MMP28: variants seen among roughly 807,000 people sequenced by gnomAD.
The protein encoded by MMP28 is matrix metallopeptidase 28.
A neutral mutation model predicts 60.5 loss-of-function variants in MMP28; 55 were observed. That is an observed-to-expected ratio of 0.91 (90% CI 0.73 to 1.14). The LOEUF is 1.14. MMP28 is among the 50% of genes most tolerant of loss of function. The probability of loss-of-function intolerance (pLI) is 0.00; values close to 1 mark genes in which losing one functional copy is unlikely to be tolerated. For missense variants in MMP28, 686 were observed against 738.3 expected (o/e 0.93, Z 0.82); for synonymous variants, 318 against 312.5 (o/e 1.02, Z -0.18).
At chr17:35,764,309 A>G, downstream of MMP28, 1 of 1,492,982 alleles carries the variant, frequency 6.7e-7, no homozygotes, top group Non-Finnish European at 8.9e-7. Context: ...GGGCGGCCTA[A>G]CAGCTCCCAC....
chr17:35,764,714 A>T, downstream of MMP28: 1 of 1,342,788 alleles, frequency 7.4e-7, no homozygotes, highest in Non-Finnish European at 9.9e-7. Flanking sequence ...TCTTCGACGC[A>T]TTCCGCAGGA....
rs1053381994 is a variant in MMP28, at chr17:35,766,612, C to T, written c.1451G>A (p.Arg484His). 1 of 1,612,552 alleles carries T rather than the reference C, an allele frequency of 6.2e-7. No individual in the cohort carries two copies. Among genetic ancestry groups the T allele is most frequent in the Non-Finnish European group, 8.5e-7 (1 of 1,179,766 alleles). The change falls in exon 8 of 8, where the codon CGC (arginine) becomes CAC (histidine). Residue 484 changes from arginine (R) to histidine (H), a missense_variant. By Grantham distance (29) the Arg-to-His change is conservative. Coordinates refer to ENST00000605424, the MANE Select transcript of MMP28 (RefSeq NM_024302.5). This position sits in a 1 kb window ranked among gnomAD's most constrained non-coding sequence, Gnocchi z 4.3. ...TTTGGCCTGGTCGAGGCGCCAGTAG[C>T]GGTCATCTCGGAAGAAGATGATGGA... ...DGSIIFFRDD[R>H]YWRLDQAKLQ...
At chr17:35,770,042 A>G (rs2086071653) in intron 5 of MMP28, 25 bp downstream of exon 5, 1 of 1,523,848 alleles carries the variant, frequency 6.6e-7, no homozygotes. Context: ...TGGGACCAAG[A>G]GCGGGGCATG....
At chr17:35,778,720 A>G (rs966118481) in intron 3 of MMP28, 168 bp downstream of exon 3, 3 of 1,429,162 alleles carry the variant, frequency 2.1e-6, no homozygotes, top group African/African-American at 2.9e-5. Context: ...AAATGTCTGT[A>G]TTCACAATCA....
intron 3 of MMP28, among the ~76,000 whole-genome samples, chr17:35,777,407 G>A (rs2086365439): frequency 6.6e-6 from 1 of 152,204 alleles, no homozygotes; most frequent in Non-Finnish European, 1.5e-5. Flanking sequence ...AAAGCAAGCA[G>A]TCAGTACTGA....
At chr17:35,762,013 G>C (rs587726479), downstream of MMP28, among the ~76,000 whole-genome samples, 1 of 151,664 alleles carries the variant, frequency 6.6e-6, no homozygotes, top group Admixed American at 6.6e-5. Context: ...TTTTTGAGAC[G>C]GAGTTTTGCT....
downstream of MMP28, chr17:35,764,317 C>T (rs1226378865): frequency 6.8e-7 from 1 of 1,481,186 alleles, no homozygotes; most frequent in Admixed American, 2.4e-5. Context: ...TAACAGCTCC[C>T]ACCGACAGGT....
intron 1 of MMP28, among the ~76,000 whole-genome samples, chr17:35,792,698 T>G (rs2086848135): frequency 6.6e-6 from 1 of 152,216 alleles, no homozygotes; most frequent in African/African-American, 2.4e-5. Context: ...TTGTCCTGTA[T>G]TATTGTTGTG....
chr17:35,764,688 T>C, downstream of MMP28: 2 of 1,466,400 alleles, frequency 1.4e-6, no homozygotes, highest in Non-Finnish European at 1.8e-6. Context: ...ACCTTCTCTC[T>C]TGGAGCGCGG....
chr17:35,757,053 C>G (rs1300337690), intron 2 of MMP28: 7 of 151,878 alleles, frequency 4.6e-5, no homozygotes, highest in Admixed American at 4.6e-4. Flanking sequence ...CAAAAACTAG[C>G]TGGGTGTGGT....
intron 1 of MMP28, among the ~76,000 whole-genome samples, chr17:35,787,227 C>T (rs2086677420): frequency 6.6e-6 from 1 of 152,156 alleles, no homozygotes; most frequent in East Asian, 1.9e-4. Context: ...GGCTGGGATC[C>T]TGTTTTCCAT....
chr17:35,787,264 G>A (rs539969079), intron 1 of MMP28, among the ~76,000 whole-genome samples: 92 of 152,280 alleles, frequency 6.0e-4, no homozygotes, highest in Non-Finnish European at 2.1e-4. Flanking sequence ...CGTCTAACAG[G>A]CCAGAGGCAT....
Position 35,791,435 on chromosome 17 carries a change from G to A in MMP28, c.111+3832C>T, listed in dbSNP as rs115148966. Among the ~76,000 whole-genome samples the A allele has an allele frequency of 3.7e-3, 558 of 152,204 alleles. 5 individuals carry two copies. The highest frequency in any genetic ancestry group is 0.012 in the African/African-American group (507 of 41,538). On this transcript the variant is annotated intron_variant, in intron 1 of 7. Transcript: ENST00000605424. ...TGTCTGTAGTTCCAGGTACTCAGGA[G>A]GCTGAAGCAGGAGGATCACTTGAGC...
chr17:35,764,289 T>A, downstream of MMP28: 1 of 1,525,322 alleles, frequency 6.6e-7, no homozygotes. Context: ...CTCGGCCCCT[T>A]AGCGCTGCTG....
chr17:35,794,747 G>A (rs1169485306), intron 1 of MMP28, among the ~76,000 whole-genome samples: 1 of 152,158 alleles, frequency 6.6e-6, no homozygotes, highest in Non-Finnish European at 1.5e-5. Context: ...ACTCTTGAGA[G>A]TATACTACTC....
downstream of MMP28, chr17:35,764,242 G>A (rs2085886676): frequency 2.6e-6 from 4 of 1,541,284 alleles, no homozygotes; most frequent in Non-Finnish European, 3.5e-6. Flanking sequence ...AGCAGGTGGC[G>A]CTGCTGCGGC....
At chr17:35,780,502 T>C (rs2086466543) in intron 1 of MMP28, among the ~76,000 whole-genome samples, 1 of 152,240 alleles carries the variant, frequency 6.6e-6, no homozygotes, top group Admixed American at 6.5e-5. Flanking sequence ...CGTTAATTAA[T>C]GCAATGTACT....
chr17:35,775,314 G>T (rs888238909), intron 3 of MMP28, among the ~76,000 whole-genome samples: 8 of 152,178 alleles, frequency 5.3e-5, no homozygotes, highest in Non-Finnish European at 1.0e-4. Context: ...CTCCAGATTT[G>T]CTCCCATGGA....
chr17:35,768,432 A>G lies in MMP28; in HGVS notation c.851-53T>C, dbSNP rs184401078. On this transcript the variant is annotated intron_variant, in intron 5 of 7. Coordinates refer to ENST00000605424, the MANE Select transcript of MMP28 (RefSeq NM_024302.5). ...AGAGAACACACATAGGGTAGAGGGT[A>G]TGCTGTGCACTCAAGACCTTCCCTT... is the stretch of plus-strand genomic sequence containing the variant. The G allele has an allele frequency of 2.0e-5, 29 of 1,452,984 alleles. No homozygotes were observed. The Admixed American group carries it at 4.1e-4, about 21-fold the overall frequency. 90.0% of individuals were successfully genotyped at this position (1,452,984 alleles called of 1,614,324 possible). A position where few individuals can be genotyped will look rare whatever the true frequency, so the allele number is the denominator to read the frequency against.
Sources: allele counts gnomAD v4.1 joint callset (sites outside exome capture counted in the v4.1 genomes callset), GRCh38; gene constraint gnomAD v4.1.1; non-coding constraint Gnocchi (gnomAD v3.1); transcripts MANE v1.5; gene names NCBI Gene and HGNC (gene_info 2026-07-23, HGNC 2026-07-21).